Variants in GRIN3A observed in about 807,000 individuals in gnomAD.
GRIN3A encodes glutamate receptor ionotropic, NMDA 3A.
A neutral mutation model predicts 92.4 loss-of-function variants in GRIN3A; 47 were observed. That is an observed-to-expected ratio of 0.51 (90% CI 0.40 to 0.65). GRIN3A has a LOEUF of 0.65. Among genes scored for constraint, GRIN3A ranks in the 30% least tolerant of loss-of-function variants. The probability of loss-of-function intolerance (pLI) is 0.00; values close to 1 mark genes in which losing one functional copy is unlikely to be tolerated. For missense variants in GRIN3A, 1,324 were observed against 1,393.1 expected, an observed-to-expected ratio of 0.95 and a Z score of 0.79; for synonymous variants, 527 against 540.6, an observed-to-expected ratio of 0.97 and a Z score of 0.35.
At chr9:101,664,762 G>T (rs1247106787) in intron 3 of GRIN3A, among the ~76,000 whole-genome samples, 2 of 151,860 alleles carry the variant, frequency 1.3e-5, no homozygotes, top group Non-Finnish European at 2.9e-5. Flanking sequence ...CCCTAAAATG[G>T]TGATAAAATA....
intron 1 of GRIN3A, among the ~76,000 whole-genome samples, chr9:101,693,649 CTG>C (rs1197115857): frequency 6.6e-6 from 1 of 152,132 alleles, no homozygotes; most frequent in Non-Finnish European, 1.5e-5. Flanking sequence ...ATGACATTCC[CTG>C]TGTTTCTGGG....
intron 2 of GRIN3A, among the ~76,000 whole-genome samples, chr9:101,677,133 C>A (rs1395019796): frequency 6.6e-6 from 1 of 151,816 alleles, no homozygotes; most frequent in East Asian, 1.9e-4. Context: ...GTCCATAGAC[C>A]TCCAGTTATC....
chr9:101,669,739 T>A (rs7859147), intron 3 of GRIN3A, among the ~76,000 whole-genome samples: 9,716 of 149,306 alleles, frequency 0.065, 1,024 homozygotes, highest in African/African-American at 0.22. Flanking sequence ...AAATACCTTA[T>A]AAGACCATTC....
chr9:101,661,218 T>A (rs1241326317), intron 3 of GRIN3A, among the ~76,000 whole-genome samples: 3 of 151,914 alleles, frequency 2.0e-5, no homozygotes, highest in South Asian at 2.1e-4. Context: ...ATTGTGATAT[T>A]GTCACCACTA....
At chr9:101,620,921 C>G (rs56366155) in intron 5 of GRIN3A, among the ~76,000 whole-genome samples, 4 of 151,938 alleles carry the variant, frequency 2.6e-5, no homozygotes, top group Non-Finnish European at 5.9e-5. Flanking sequence ...AATTATTTCT[C>G]TCAATTAAAT....
rs1280553730 is a variant in GRIN3A at position 101,737,586 on chromosome 9, C to T, written c.394G>A (p.Val132Met). The change falls in exon 1 of 9, where the codon GTG becomes ATG. Residue 132 changes from valine (V) to methionine (M), a missense_variant. Transcript: ENST00000361820. ...CCTTCCACGCGGTTCAGGTTGTCCA[C>T]GGCAAATAGGAGGGCGTCCCGTGGC... ...LWPRDALLFA[V>M]DNLNRVEGLL... The T allele has an allele frequency of 1.9e-6, 3 of 1,614,074 alleles. No homozygotes were observed. The highest frequency in any genetic ancestry group is 1.1e-5 in the South Asian group (1 of 91,090).
At chr9:101,644,361 AATTGATGATG>A (rs1362989525) in intron 3 of GRIN3A, among the ~76,000 whole-genome samples, 3 of 151,270 alleles carry the variant, frequency 2.0e-5, no homozygotes, top group African/African-American at 7.3e-5. Flanking sequence ...AAGAAACCGG[AATTGATGATG>A]TTAGGACTTG....
chr9:101,674,851 A>G (rs534128875), intron 2 of GRIN3A, among the ~76,000 whole-genome samples: 1 of 152,042 alleles, frequency 6.6e-6, no homozygotes, highest in Non-Finnish European at 1.5e-5. Flanking sequence ...GCAGGGTAGA[A>G]AAATATTAGA....
At chr9:101,665,855 T>C (rs139089936) in intron 3 of GRIN3A, among the ~76,000 whole-genome samples, 99 of 152,076 alleles carry the variant, frequency 6.5e-4, no homozygotes, top group African/African-American at 2.4e-3. Context: ...TGCAATTACT[T>C]TTGCACCAAC....
chr9:101,708,681 A>C (rs1405005024), intron 1 of GRIN3A, among the ~76,000 whole-genome samples: 2 of 152,174 alleles, frequency 1.3e-5, no homozygotes, highest in Non-Finnish European at 2.9e-5. Context: ...TCAAAGCATA[A>C]ATCTTCAGAA....
chr9:101,719,685 A>G (rs1341746827), intron 1 of GRIN3A, among the ~76,000 whole-genome samples: 1 of 152,184 alleles, frequency 6.6e-6, no homozygotes. Flanking sequence ...AAGGACTTTA[A>G]GTGGCTGCTG....
rs58762561 is a variant in GRIN3A, at chr9:101,611,097, CAA to C, written c.2766+2277_2766+2278del. Among the ~76,000 whole-genome samples, 152 of 104,876 alleles carry C rather than the reference CAA, an allele frequency of 1.4e-3. 1 individual carries two copies. Among genetic ancestry groups the C allele is most frequent in the African/African-American group, 4.3e-3 (121 of 28,054 alleles). The allele number at this position is 104,876 out of a possible 152,430, so 68.8% of individuals were successfully genotyped here. On this transcript the variant is annotated intron_variant, in intron 6 of 8. Coordinates refer to ENST00000361820, the MANE Select transcript of GRIN3A (RefSeq NM_133445.3). ...TGGGTTACAGTGTGAGAGTCTGTCT[CAA>C]AAAAAAAAAAAAAACCAACCAACCA...
rs369002299 is a variant in GRIN3A, at chr9:101,670,710, C to T, written c.1702G>A (p.Val568Met). ...FSSLHSSNDT[V>M]PIKFKKCCYG... ...CAGCACTTCTTGAATTTAATGGGCA[C>T]TGTATCATTACTGCTATGGAGGCTG... The change falls in exon 3 of 9, where the codon GTG (valine) becomes ATG (methionine). Residue 568 changes from valine (V) to methionine (M), a missense_variant. By Grantham distance (21) the Val-to-Met change is conservative (BLOSUM62 1). Coordinates refer to ENST00000361820, the MANE Select transcript of GRIN3A (RefSeq NM_133445.3). 3.7e-6 allele frequency: 6 copies of T among 1,613,932 alleles called. No homozygotes were observed. In the African/African-American group the frequency reaches 8.0e-5, roughly 22 times the overall value.
chr9:101,668,225 A>G (rs1003273951), intron 3 of GRIN3A, among the ~76,000 whole-genome samples: 2 of 130,804 alleles, frequency 1.5e-5, no homozygotes, highest in African/African-American at 5.1e-5. Flanking sequence ...TAGCATAATC[A>G]CTCTTACAGA....
At chr9:101,584,822 A>G (rs1827929911) in intron 6 of GRIN3A, among the ~76,000 whole-genome samples, 1 of 152,232 alleles carries the variant, frequency 6.6e-6, no homozygotes, top group Admixed American at 6.5e-5. Context: ...TATTTTGTTC[A>G]GATGTCGTCA....
At chr9:101,632,779 A>T (rs921402396) in intron 3 of GRIN3A, among the ~76,000 whole-genome samples, 1 of 152,172 alleles carries the variant, frequency 6.6e-6, no homozygotes, top group African/African-American at 2.4e-5. Context: ...CCCTGTGTGT[A>T]ATTCAGACAG....
At chr9:101,619,415 G>GT (rs1828517935) in intron 5 of GRIN3A, among the ~76,000 whole-genome samples, 1 of 152,166 alleles carries the variant, frequency 6.6e-6, no homozygotes, top group Non-Finnish European at 1.5e-5. Context: ...GAATTTTACA[G>GT]TTAATTGGTC....
At chr9:101,640,167 C>A (rs1345222777) in intron 3 of GRIN3A, among the ~76,000 whole-genome samples, 1 of 152,162 alleles carries the variant, frequency 6.6e-6, no homozygotes, top group African/African-American at 2.4e-5. Context: ...TAGTATAAAG[C>A]CTGTAGCTTT....
At chr9:101,638,203 A>G (rs980496864) in intron 3 of GRIN3A, among the ~76,000 whole-genome samples, 5 of 152,170 alleles carry the variant, frequency 3.3e-5, no homozygotes, top group African/African-American at 1.2e-4. Context: ...AGAGCCTATC[A>G]TCATGGTCTC....
Sources: gnomAD v4.1 joint callset for allele counts (sites outside exome capture counted in the v4.1 genomes callset) on GRCh38, gnomAD v4.1.1 for gene constraint, MANE v1.5 for transcripts, NCBI Gene and HGNC (gene_info 2026-07-23, HGNC 2026-07-21) for gene names.